The following GLDC variants were observed in gnomAD, a reference collection of about 807,000 sequenced individuals.
The protein encoded by GLDC is glycine dehydrogenase (decarboxylating), mitochondrial.
Under a neutral mutation model 121.3 loss-of-function variants are expected in GLDC, and 104 were observed. The observed-to-expected ratio is 0.86, with a 90% confidence interval of 0.73 to 1.01. The LOEUF (loss-of-function observed/expected upper bound fraction) is 1.01. Ranked by LOEUF, GLDC falls within the 50% of genes least tolerant of loss-of-function variation. The probability of loss-of-function intolerance (pLI) is 0.00; values close to 1 mark genes in which losing one functional copy is unlikely to be tolerated. For missense variants in GLDC, 1,429 were observed against 1,306.6 expected (o/e 1.09, Z -1.44); for synonymous variants, 546 against 480.6 (o/e 1.14, Z -1.78).
intron 8 of GLDC, 78 bp from the exon 9 acceptor site, chr9:6,595,197 T>C: frequency 1.0e-6 from 1 of 961,838 alleles, no homozygotes; most frequent in East Asian, 2.4e-5. Flanking sequence ...ACTTGGGATG[T>C]CAAAACTGAA....
chr9:6,549,173 A>G (rs1017763244), intron 21 of GLDC, among the ~76,000 whole-genome samples: 1 of 152,248 alleles, frequency 6.6e-6, no homozygotes, highest in Non-Finnish European at 1.5e-5. Flanking sequence ...AATAAACTTA[A>G]GTAAGATTAA....
At chr9:6,542,885 CAAAAAAAA>C (rs5896153) in intron 21 of GLDC, among the ~76,000 whole-genome samples, 1 of 61,392 alleles carries the variant, frequency 1.6e-5, no homozygotes, top group African/African-American at 6.8e-5. Context: ...GACCTTTTCT[CAAAAAAAA>C]AAAAAAAAAA....
Position 6,532,827 on chromosome 9 carries a change from C to T in GLDC, c.*190G>A, listed in dbSNP as rs976174465. 8 of 610,454 alleles carry T rather than the reference C, an allele frequency of 1.3e-5. No homozygotes were observed. Among genetic ancestry groups the T allele is most frequent in the Admixed American group, 1.1e-4 (4 of 37,380 alleles). 37.8% of individuals were successfully genotyped at this position (610,454 alleles called of 1,614,324 possible). On this transcript the variant is annotated 3_prime_UTR_variant, in exon 25 of 25. Transcript: ENST00000321612. Reference sequence around the variant, plus strand: ...GTGGAAGCAGAATACCAAAGCAAATCCGTCTTCCAACCATCAGCTTCGACT... The same window carrying T: ...GTGGAAGCAGAATACCAAAGCAAATTCGTCTTCCAACCATCAGCTTCGACT...
At chr9:6,561,232 G>A (rs1362697467) in intron 16 of GLDC, among the ~76,000 whole-genome samples, 1 of 152,252 alleles carries the variant, frequency 6.6e-6, no homozygotes, top group Non-Finnish European at 1.5e-5. Context: ...GCGATGGAAA[G>A]AGAAGTCACA....
At chr9:6,575,367 C>G (rs80094923) in intron 15 of GLDC, among the ~76,000 whole-genome samples, 1,983 of 152,324 alleles carry the variant, frequency 0.013, 30 homozygotes, top group African/African-American at 0.045. Context: ...CCAAGAACCT[C>G]TGGTAAACCT....
At chr9:6,600,635 A>G (rs763904331) in intron 8 of GLDC, among the ~76,000 whole-genome samples, 18 of 151,758 alleles carry the variant, frequency 1.2e-4, no homozygotes, top group Non-Finnish European at 2.2e-4. Flanking sequence ...GCGCCACCCC[A>G]TTCCAACCTG....
chr9:6,548,149 C>T (rs928056565), intron 21 of GLDC, among the ~76,000 whole-genome samples: 1 of 152,006 alleles, frequency 6.6e-6, no homozygotes, highest in African/African-American at 2.4e-5. Flanking sequence ...GTAGTATGAT[C>T]AATTGTACAA....
At chr9:6,640,305 C>G (rs1364157966) in intron 2 of GLDC, among the ~76,000 whole-genome samples, 1 of 152,180 alleles carries the variant, frequency 6.6e-6, no homozygotes, top group East Asian at 1.9e-4. Flanking sequence ...TCGGGAATGG[C>G]CAAAGGAAAG....
intron 20 of GLDC, 107 bp downstream of exon 20, chr9:6,553,261 A>G: frequency 3.0e-6 from 3 of 989,986 alleles, no homozygotes; most frequent in Admixed American, 2.0e-5. Context: ...CACATCTCAG[A>G]TCATGAATTT....
At position 6,583,220 on chromosome 9, in the gene GLDC, C is replaced by T. The variant is rs374180869; in HGVS notation, c.1850+3921G>A. 9.9e-5 allele frequency among the ~76,000 whole-genome samples: 15 copies of T among 152,042 alleles called. No homozygotes were observed. The East Asian group carries it at 1.7e-3, about 18-fold the overall frequency. ...CAAAAACTCCACTTCTGAATATATA[C>T]CAAAATAAAAACTGAAAGCAGGGAC... On this transcript the variant is annotated intron_variant, in intron 15 of 24. Coordinates refer to ENST00000321612, the MANE Select transcript of GLDC (RefSeq NM_000170.3).
chr9:6,588,690 T>C lies in GLDC; in HGVS notation c.1593A>G (p.Glu531=). 1 of 1,612,504 alleles carries C rather than the reference T, an allele frequency of 6.2e-7. No individual in the cohort carries two copies. Among genetic ancestry groups the C allele is most frequent in the Non-Finnish European group, 8.5e-7 (1 of 1,178,550 alleles). ...THQVFNSYHS[E]TNIVRYMKKL... ...TCTTCATGTACCGGACAATGTTTGTTTCAGAGTGGTAGCTGTGAACACAAA... is the reference window on the plus strand; with the variant it reads ...TCTTCATGTACCGGACAATGTTTGTCTCAGAGTGGTAGCTGTGAACACAAA... Residue 531 remains glutamate, a synonymous_variant, in exon 13 of 25, where the codon GAA becomes GAG. Transcript: ENST00000321612.
intron 2 of GLDC, among the ~76,000 whole-genome samples, chr9:6,644,029 C>CAAAAAAAA (rs531081758): frequency 0.019 from 340 of 18,322 alleles, 65 homozygotes; most frequent in African/African-American, 0.064. Flanking sequence ...GATTCTGTCT[C>CAAAAAAAA]AAAAAAAAAA....
At chr9:6,570,373 T>C (rs569990455) in intron 15 of GLDC, among the ~76,000 whole-genome samples, 3 of 152,340 alleles carry the variant, frequency 2.0e-5, no homozygotes, top group East Asian at 1.9e-4. Flanking sequence ...TTACTAAATA[T>C]CTAGATTGAC....
chr9:6,606,309 CAAAAAAAAA>C (rs56758871), intron 5 of GLDC, among the ~76,000 whole-genome samples: 2 of 90,056 alleles, frequency 2.2e-5, no homozygotes, highest in African/African-American at 7.8e-5. Flanking sequence ...GACTCCGTCT[CAAAAAAAAA>C]AAAAAAAAAA....
At chr9:6,569,495 T>C (rs1817912600) in intron 15 of GLDC, 1 of 151,454 alleles carries the variant, frequency 6.6e-6, no homozygotes, top group South Asian at 2.1e-4. Flanking sequence ...CTACTAAAAG[T>C]ACAAAAATTA....
At chr9:6,632,496 T>TA (rs1819404786) in intron 2 of GLDC, among the ~76,000 whole-genome samples, 1 of 152,218 alleles carries the variant, frequency 6.6e-6, no homozygotes, top group East Asian at 1.9e-4. Context: ...ACTCTGGACT[T>TA]ACAAAAAGTA....
In GLDC at chr9:6,611,357, A is replaced by T. The variant is rs62569045; in HGVS notation, c.471-1001T>A. On this transcript the variant is annotated intron_variant, in intron 3 of 24. Coordinates refer to ENST00000321612, the MANE Select transcript of GLDC (RefSeq NM_000170.3). The stretch of plus-strand genomic sequence containing the variant: ...CGGATCACGAGGTCAGGAGATCGAG[A>T]CCATCCTGGCTAACATGGTGAAACC... Among the ~76,000 whole-genome samples the T allele has an allele frequency of 3.4e-3, 514 of 152,232 alleles. 4 individuals are homozygous for T. The highest frequency in any genetic ancestry group is 0.011 in the African/African-American group (453 of 41,550).
intron 3 of GLDC, among the ~76,000 whole-genome samples, chr9:6,613,811 C>CT (rs1179483437): frequency 6.6e-6 from 1 of 152,028 alleles, no homozygotes; most frequent in African/African-American, 2.4e-5. Flanking sequence ...GAGTCTTGCT[C>CT]TGTCACCCAG....
chr9:6,541,607 G>C (rs572174693), intron 21 of GLDC: 2 of 152,116 alleles, frequency 1.3e-5, no homozygotes, highest in African/African-American at 2.4e-5. Context: ...CAAATCACTT[G>C]AGGTCAGGAG....
Sources: gnomAD v4.1 joint callset for allele counts (sites outside exome capture counted in the v4.1 genomes callset) on GRCh38, gnomAD v4.1.1 for gene constraint, MANE v1.5 for transcripts, NCBI Gene and HGNC (gene_info 2026-07-23, HGNC 2026-07-21) for gene names.